The following MR1 variants were observed in gnomAD, a reference collection of about 807,000 sequenced individuals.
The protein encoded by MR1 is major histocompatibility complex, class I-related.
A neutral mutation model predicts 37.8 loss-of-function variants in MR1; 44 were observed. The observed-to-expected ratio is 1.16, with a 90% CI of 0.91 to 1.50. The LOEUF is 1.50. Ranked by LOEUF, MR1 falls within the 40% of genes most tolerant of loss-of-function variation. MR1 has a pLI of 0.00. For missense variants in MR1, 386 were observed against 419.1 expected, an observed-to-expected ratio of 0.92 and a Z score of 0.69; for synonymous variants, 153 against 155.8, an observed-to-expected ratio of 0.98 and a Z score of 0.13.
At chr1:181,048,234 A>AAAAT (rs1364308678) in intron 1 of MR1, among the ~76,000 whole-genome samples, 13 of 138,412 alleles carry the variant, frequency 9.4e-5, no homozygotes, top group African/African-American at 2.2e-4. Context: ...TAAATAAAAT[A>AAAAT]AAATAAATAA....
chr1:181,051,878 T>C (rs948002201), intron 3 of MR1, among the ~76,000 whole-genome samples: 10 of 152,350 alleles, frequency 6.6e-5, no homozygotes, highest in Non-Finnish European at 1.3e-4. Context: ...GCTGACTTAC[T>C]TATTGGGAAC....
chr1:181,034,167 T>G, intron 1 of MR1, 93 bp downstream of exon 1: 1 of 1,277,490 alleles, frequency 7.8e-7, no homozygotes, highest in Non-Finnish European at 1.1e-6. Flanking sequence ...GTGAAAAATA[T>G]AGAAGCCAGG....
chr1:181,044,639 G>T (rs1056909641), intron 1 of MR1, among the ~76,000 whole-genome samples: 2 of 152,256 alleles, frequency 1.3e-5, no homozygotes, highest in African/African-American at 4.8e-5. Flanking sequence ...CAGGAACCTG[G>T]AGTTCCCCAC....
intron 1 of MR1, among the ~76,000 whole-genome samples, chr1:181,047,926 AAAAT>A (rs1658000942): frequency 6.8e-6 from 1 of 147,342 alleles, no homozygotes. Context: ...AAAAATAAAT[AAAAT>A]AAATAGGCCA....
chr1:181,049,360 G>T (rs754179677), intron 2 of MR1, 48 bp downstream of exon 2: 1 of 1,570,880 alleles, frequency 6.4e-7, no homozygotes, highest in East Asian at 2.3e-5. Flanking sequence ...ACCCCAACCC[G>T]CAGAGACCCC....
chr1:181,040,664 C>G (rs982373701), intron 1 of MR1, among the ~76,000 whole-genome samples: 1 of 151,788 alleles, frequency 6.6e-6, no homozygotes, highest in African/African-American at 2.4e-5. Flanking sequence ...ATGGGTGTGA[C>G]TGAAAAAGCA....
intron 1 of MR1, among the ~76,000 whole-genome samples, chr1:181,042,631 G>A (rs1167867124): frequency 4.6e-5 from 7 of 151,720 alleles, no homozygotes; most frequent in South Asian, 2.1e-4. Flanking sequence ...GCAAAAACCC[G>A]TCTATACTAA....
At chr1:181,043,567 G>A (rs1354323206) in intron 1 of MR1, among the ~76,000 whole-genome samples, 1 of 135,368 alleles carries the variant, frequency 7.4e-6, no homozygotes, top group Non-Finnish European at 1.5e-5. Flanking sequence ...AAAAAGAAGT[G>A]GTGACGTGCT....
chr1:181,045,202 T>A (rs1289422227), intron 1 of MR1, among the ~76,000 whole-genome samples: 3 of 152,070 alleles, frequency 2.0e-5, no homozygotes, highest in Admixed American at 1.3e-4. Context: ...TGGAGGTGGG[T>A]TTTGAGGACT....
chr1:181,050,881 C>T, intron 3 of MR1: 1 of 155,030 alleles, frequency 6.5e-6, no homozygotes, highest in South Asian at 2.0e-4. Context: ...CCCAGATACT[C>T]AGGAGGCTGA....
Position 181,058,702 on chromosome 1 carries a change from G to A in MR1, c.*3437G>A, listed in dbSNP as rs1356083908. 1 of 152,418 alleles carries A rather than the reference G, an allele frequency of 6.6e-6. No homozygotes were observed. The highest frequency in any genetic ancestry group is 2.4e-5 in the African/African-American group (1 of 41,448). 9.4% of individuals were successfully genotyped at this position (152,418 alleles called of 1,614,324 possible). On this transcript the variant is annotated 3_prime_UTR_variant, in exon 6 of 6. Coordinates refer to ENST00000367580, the MANE Select transcript of MR1 (RefSeq NM_001385161.1). ...GGCCAGCTGATCATTTTCTGCCAGA[G>A]TCACACAGAGCAGTCACACCTTATT...
rs1454247856 is a variant in MR1, at chr1:181,055,845, G to C, written c.*580G>C. ...TTCTACAATGGCCTGGGAATGGACT[G>C]ATTATTTTTATACATTTTCTGGCCT... On this transcript the variant is annotated 3_prime_UTR_variant, in exon 6 of 6. Coordinates refer to ENST00000367580, the MANE Select transcript of MR1 (RefSeq NM_001385161.1). The C allele has an allele frequency of 6.6e-6, 1 of 152,516 alleles. No homozygotes were observed. The highest frequency in any genetic ancestry group is 1.5e-5 in the Non-Finnish European group (1 of 68,284). The allele number at this position is 152,516 out of a possible 1,614,324, so 9.4% of individuals were successfully genotyped here.
At position 181,049,289 on chromosome 1, in the gene MR1, T is replaced by A. The variant is rs564830839; in HGVS notation, c.305T>A (p.Leu102Gln). The A allele has an allele frequency of 1.1e-4, 173 of 1,613,800 alleles. No homozygotes were observed. Among genetic ancestry groups the A allele is most frequent in the Admixed American group, 9.7e-4 (58 of 59,980 alleles). ...QQMFKVELKR[L>Q]QRHYNHSGSH... ...ATGTTCAAGGTGGAACTGAAGCGCC[T>A]ACAGAGGCACTACAATCACTCAGGT... Residue 102 changes from leucine (L) to glutamine (Q), a missense_variant, in exon 2 of 6, where the codon CTA becomes CAA. Coordinates refer to ENST00000367580, the MANE Select transcript of MR1 (RefSeq NM_001385161.1).
chr1:181,047,388 C>G (rs1452177208), intron 1 of MR1, among the ~76,000 whole-genome samples: 1 of 152,008 alleles, frequency 6.6e-6, no homozygotes, highest in Admixed American at 6.6e-5. Flanking sequence ...ATCATGAGGT[C>G]AGGAATTCGA....
chr1:181,033,810 G>A (rs1657129893), upstream of MR1: 1 of 520,208 alleles, frequency 1.9e-6, no homozygotes, highest in African/African-American at 1.9e-5. Context: ...AGCAAGCAGT[G>A]TCTGAAACCA....
Position 181,050,282 on chromosome 1 carries a change from AAC to A in MR1, c.602_603del (p.Thr201ArgfsTer47), listed in dbSNP as rs1242183631. 1.4e-5 allele frequency: 22 copies of A among 1,614,040 alleles called. No individual in the cohort carries two copies. Among genetic ancestry groups the A allele is most frequent in the Non-Finnish European group, 1.9e-5 (22 of 1,180,008 alleles). ...AGTATGGGAAAGACACCCTACAAAGAACAGGTAAAGAGAAAGAGAAGGCCTCA... is the reference window on the plus strand; with the variant it reads ...AGTATGGGAAAGACACCCTACAAAGAAGGTAAAGAGAAAGAGAAGGCCTCA... ...LEYGKDTLQR[T>X]EPPLVRVNRK... On this transcript the variant is annotated frameshift_variant and splice_region_variant, in exon 3 of 6. Coordinates refer to ENST00000367580, the MANE Select transcript of MR1 (RefSeq NM_001385161.1). LOFTEE classifies it high-confidence loss of function.
intron 1 of MR1, among the ~76,000 whole-genome samples, chr1:181,044,531 C>G (rs139291632): frequency 6.6e-6 from 1 of 152,266 alleles, no homozygotes; most frequent in Non-Finnish European, 1.5e-5. Flanking sequence ...CCCTCTGCTA[C>G]CCACATCCTT....
chr1:181,040,179 T>A (rs1334519927), intron 1 of MR1, among the ~76,000 whole-genome samples: 1 of 152,178 alleles, frequency 6.6e-6, no homozygotes, highest in Non-Finnish European at 1.5e-5. Flanking sequence ...AATTGTATAT[T>A]TCAGCTTAAT....
intron 1 of MR1, among the ~76,000 whole-genome samples, chr1:181,045,104 T>C (rs1476285866): frequency 6.6e-6 from 1 of 152,234 alleles, no homozygotes; most frequent in East Asian, 1.9e-4. Flanking sequence ...TTTAAATATC[T>C]GGATCTCTGG....
Sources: allele counts gnomAD v4.1 joint callset (sites outside exome capture counted in the v4.1 genomes callset), GRCh38; gene constraint gnomAD v4.1.1; transcripts MANE v1.5; gene names NCBI Gene and HGNC (gene_info 2026-07-23, HGNC 2026-07-21).